SEPTIN11: variants seen among roughly 807,000 people sequenced by gnomAD.
The protein encoded by SEPTIN11 is septin-11.
A neutral mutation model predicts 51.4 loss-of-function variants in SEPTIN11; 25 were observed. The observed-to-expected ratio is 0.49, with a 90% CI of 0.35 to 0.68. The LOEUF (loss-of-function observed/expected upper bound fraction) is 0.68, where lower values mean the gene tolerates loss of function less well. Ranked by LOEUF, SEPTIN11 falls within the 30% of genes least tolerant of loss-of-function variation. SEPTIN11 has a pLI of 0.00. For synonymous variants in SEPTIN11, 174 were observed against 184.1 expected (o/e 0.95, Z 0.44); for missense variants, 381 against 520.8 (o/e 0.73, Z 2.61).
At chr4:77,031,097 C>A in intron 9 of SEPTIN11, 127 bp downstream of exon 9, 1 of 858,816 alleles carries the variant, frequency 1.2e-6, no homozygotes, top group South Asian at 1.8e-5. Flanking sequence ...AGTATTTTCT[C>A]TACAGTGCAG....
intron 4 of SEPTIN11, 134 bp from the exon 5 acceptor site, chr4:77,014,722 T>A (rs1413272481): frequency 1.4e-5 from 12 of 885,608 alleles, no homozygotes; most frequent in Non-Finnish European, 1.9e-5. Flanking sequence ...ACATGAGATG[T>A]TTTGATATAA....
chr4:77,029,834 A>G (rs28685589), intron 8 of SEPTIN11, among the ~76,000 whole-genome samples: 6,857 of 152,152 alleles, frequency 0.045, 229 homozygotes, highest in East Asian at 0.095. Context: ...ATATATGTGT[A>G]TATATATACA....
Position 76,955,580 on chromosome 4 carries a change from A to T in SEPTIN11, c.27+5650A>T, listed in dbSNP as rs560958211. ...TAGCTCTTTAAATGCTTTATATTCC[A>T]TCCACCCTTTGCCCATAACTTAAGA... On this transcript the variant is annotated intron_variant, in intron 1 of 9. Coordinates refer to ENST00000264893, the MANE Select transcript of SEPTIN11 (RefSeq NM_018243.4). 2.6e-5 allele frequency among the ~76,000 whole-genome samples: 4 copies of T among 152,288 alleles called. No individual in the cohort carries two copies. The South Asian group carries it at 6.2e-4, about 24-fold the overall frequency.
At position 77,028,752 on chromosome 4, in the gene SEPTIN11, A is replaced by T. The variant is rs746314916; in HGVS notation, c.1077A>T (p.Ala359=). The T allele has an allele frequency of 3.1e-6, 5 of 1,612,286 alleles. No homozygotes were observed. The highest frequency in any genetic ancestry group is 4.2e-6 in the Non-Finnish European group (5 of 1,179,466). Residue 359 remains alanine, a synonymous_variant, in exon 8 of 10, where the codon GCA becomes GCT. Transcript: ENST00000264893. ...AGAAAGAAGCTGAACTTAAGGAGGCAGAGAAAGAGGTAAGCCATCTGTCCT... is the reference window on the plus strand; with the variant it reads ...AGAAAGAAGCTGAACTTAAGGAGGCTGAGAAAGAGGTAAGCCATCTGTCCT... The part of the protein sequence containing the change: ...VKEKEAELKE[A]EKELHEKFDL...
chr4:76,965,367 CTT>C (rs1721992249), intron 1 of SEPTIN11, among the ~76,000 whole-genome samples: 1 of 151,112 alleles, frequency 6.6e-6, no homozygotes, highest in South Asian at 2.1e-4. Context: ...TGGAGAATCA[CTT>C]GAACCTCGGA....
chr4:77,039,120 A>G, downstream of SEPTIN11: 1 of 1,289,090 alleles, frequency 7.8e-7, no homozygotes, highest in South Asian at 1.2e-5. Flanking sequence ...CTCTCTCCTA[A>G]TGGACATAGA....
chr4:77,038,315 G>T lies in SEPTIN11; in HGVS notation c.*3803G>T. ...CCTTAAACTGTAGTTGTAGATCCTTGTCATTTTGCTGTTTGAAAATAACCA... is the reference window on the plus strand; with the variant it reads ...CCTTAAACTGTAGTTGTAGATCCTTTTCATTTTGCTGTTTGAAAATAACCA... On this transcript the variant is annotated 3_prime_UTR_variant, in exon 10 of 10. Transcript: ENST00000264893. The T allele has an allele frequency of 1.0e-6, 1 of 985,644 alleles. No homozygotes were observed. The highest frequency in any genetic ancestry group is 1.2e-6 in the Non-Finnish European group (1 of 829,762). The allele number at this position is 985,644 out of a possible 1,614,324, so 61.1% of individuals were successfully genotyped here.
chr4:77,019,405 T>C (rs1381650312), intron 6 of SEPTIN11, 144 bp downstream of exon 6: 1 of 588,614 alleles, frequency 1.7e-6, no homozygotes, highest in East Asian at 3.0e-5. Flanking sequence ...CATGTGACAA[T>C]CGTGGAGGTG....
chr4:76,973,406 T>C (rs757421231), intron 1 of SEPTIN11, among the ~76,000 whole-genome samples: 36 of 152,142 alleles, frequency 2.4e-4, no homozygotes, highest in Non-Finnish European at 5.0e-4. Flanking sequence ...CGTGTGTGCA[T>C]GATACAGCAT....
chr4:76,975,486 A>C (rs947213778), intron 1 of SEPTIN11, among the ~76,000 whole-genome samples: 1 of 152,234 alleles, frequency 6.6e-6, no homozygotes, highest in Non-Finnish European at 1.5e-5. Flanking sequence ...AACTTATTAC[A>C]TGTTAATGTA....
chr4:76,952,456 TA>T lies in SEPTIN11; in HGVS notation c.27+2529del, dbSNP rs777143041. Among the ~76,000 whole-genome samples the T allele has an allele frequency of 1.4e-3, 207 of 152,334 alleles. 1 individual carries two copies. Among genetic ancestry groups the T allele is most frequent in the Middle Eastern group, 3.4e-3 (1 of 294 alleles). ...AAAATGCAATCTGAATAACTTACCC[TA>T]AATTTTTGATATTCTTGAATGGGAA... On this transcript the variant is annotated intron_variant, in intron 1 of 9. Coordinates refer to ENST00000264893, the MANE Select transcript of SEPTIN11 (RefSeq NM_018243.4).
In SEPTIN11 at chr4:77,035,797, T is replaced by C; in HGVS notation, c.*1285T>C. On this transcript the variant is annotated 3_prime_UTR_variant, in exon 10 of 10. Transcript: ENST00000264893. Reference sequence around the variant, plus strand: ...ACCTGTACTAAATGCCTAATTTGTATGGAAGAGTGCATATTTAATCTCTTT... The same window carrying C: ...ACCTGTACTAAATGCCTAATTTGTACGGAAGAGTGCATATTTAATCTCTTT... 2.0e-6 allele frequency: 2 copies of C among 985,876 alleles called. No individual in the cohort carries two copies. The highest frequency in any genetic ancestry group is 2.4e-6 in the Non-Finnish European group (2 of 829,922). 61.1% of individuals were successfully genotyped at this position (985,876 alleles called of 1,614,324 possible).
chr4:77,018,440 C>CTCCA, intron 5 of SEPTIN11, among the ~76,000 whole-genome samples: 1 of 136,944 alleles, frequency 7.3e-6, no homozygotes, highest in South Asian at 2.3e-4. Flanking sequence ...CAGAGCGAGA[C>CTCCA]TCCATCTCAA....
intron 2 of SEPTIN11, among the ~76,000 whole-genome samples, chr4:76,999,619 T>C (rs1038332748): frequency 6.6e-6 from 1 of 152,210 alleles, no homozygotes; most frequent in African/African-American, 2.4e-5. Flanking sequence ...AATTTTGTTT[T>C]GTGGCGTGAA....
chr4:77,031,796 T>A (rs1257192324), intron 9 of SEPTIN11: 1 of 152,180 alleles, frequency 6.6e-6, no homozygotes, highest in Non-Finnish European at 1.5e-5. Context: ...CTTTGTGGTG[T>A]CTCAATGACA....
intron 2 of SEPTIN11, among the ~76,000 whole-genome samples, chr4:77,005,382 ATC>A (rs1445842072): frequency 6.6e-6 from 1 of 152,204 alleles, no homozygotes; most frequent in Non-Finnish European, 1.5e-5. Flanking sequence ...TAAATTTGAA[ATC>A]TCTCTGCTAA....
chr4:76,977,726 C>CTTT (rs559226407), intron 1 of SEPTIN11, among the ~76,000 whole-genome samples: 2 of 127,530 alleles, frequency 1.6e-5, no homozygotes, highest in African/African-American at 2.9e-5. Context: ...AAAGGTTCGT[C>CTTT]TTTTTTTTTT....
chr4:77,008,547 G>GAAGTGGAAAGTCAGTCCCTGA (rs1724643559), intron 3 of SEPTIN11, among the ~76,000 whole-genome samples: 1 of 152,238 alleles, frequency 6.6e-6, no homozygotes, highest in Non-Finnish European at 1.5e-5. Context: ...GGTCGTATAT[G>GAAGTGGAAAGTCAGTCCCTGA]AAGTGGAAAG....
intron 1 of SEPTIN11, among the ~76,000 whole-genome samples, chr4:76,957,772 C>T (rs1721628091): frequency 6.6e-6 from 1 of 152,116 alleles, no homozygotes; most frequent in Non-Finnish European, 1.5e-5. Flanking sequence ...CAAGCATACC[C>T]TCCATGAAGC....
Sources: allele counts gnomAD v4.1 joint callset (sites outside exome capture counted in the v4.1 genomes callset), GRCh38; gene constraint gnomAD v4.1.1; transcripts MANE v1.5; gene names NCBI Gene and HGNC (gene_info 2026-07-23, HGNC 2026-07-21).